Variants in PTPN12 observed in about 807,000 individuals in gnomAD.
The protein encoded by PTPN12 is protein tyrosine phosphatase non-receptor type 12.
In PTPN12, 29 loss-of-function variants were observed where a neutral mutation model predicts 97.6. That is an observed-to-expected ratio of 0.30 (90% CI 0.22 to 0.41). The LOEUF (loss-of-function observed/expected upper bound fraction) is 0.41, where lower values mean the gene tolerates loss of function less well. PTPN12 is among the 10% of genes least tolerant of loss of function. PTPN12 has a pLI of 1.00. For missense variants in PTPN12, 819 were observed against 926.0 expected, an observed-to-expected ratio of 0.88 and a Z score of 1.50; for synonymous variants, 327 against 300.4, an observed-to-expected ratio of 1.09 and a Z score of -0.91.
At chr7:77,568,590 C>T (rs971023906) in intron 1 of PTPN12, among the ~76,000 whole-genome samples, 2 of 152,162 alleles carry the variant, frequency 1.3e-5, no homozygotes, top group African/African-American at 4.8e-5. Flanking sequence ...CTATGGTGAG[C>T]CATGATCATG....
At chr7:77,594,418 G>T (rs1249644055) in intron 6 of PTPN12, among the ~76,000 whole-genome samples, 2 of 152,200 alleles carry the variant, frequency 1.3e-5, no homozygotes, top group Non-Finnish European at 2.9e-5. Flanking sequence ...AATCCAGAAA[G>T]AAATCTGTAA....
chr7:77,624,754 A>T (rs1213390039), intron 12 of PTPN12, among the ~76,000 whole-genome samples: 4 of 151,912 alleles, frequency 2.6e-5, no homozygotes, highest in African/African-American at 9.7e-5. Flanking sequence ...AGTCTCTTTT[A>T]AGGGGAAACC....
intron 11 of PTPN12, 131 bp from the exon 12 acceptor site, chr7:77,618,349 A>G (rs1788821877): frequency 1.7e-6 from 1 of 588,776 alleles, no homozygotes. Flanking sequence ...AGAATATAAG[A>G]CTTTTTTTTT....
At chr7:77,579,297 G>A (rs981163522) in intron 2 of PTPN12, among the ~76,000 whole-genome samples, 1 of 151,876 alleles carries the variant, frequency 6.6e-6, no homozygotes, top group Admixed American at 6.6e-5. Flanking sequence ...AATTTTTTTT[G>A]TATTTTTAGT....
At chr7:77,554,064 C>T (rs2151302656) in intron 1 of PTPN12, among the ~76,000 whole-genome samples, 1 of 152,252 alleles carries the variant, frequency 6.6e-6, no homozygotes, top group Middle Eastern at 3.4e-3. Flanking sequence ...CTTCTGGGCT[C>T]ACGTGATCCT....
At chr7:77,625,472 G>GCTCTCTCTCTCTCTCTCTCTCTCT (rs775712037) in intron 12 of PTPN12, among the ~76,000 whole-genome samples, 22 of 33,526 alleles carry the variant, frequency 6.6e-4, no homozygotes, top group Admixed American at 1.0e-3. Flanking sequence ...CAGGCTGCTC[G>GCTCTCTCTCTCTCTCTCTCTCTCT]CTCTCTCTCT....
At chr7:77,538,226 A>G in intron 1 of PTPN12, 4 of 421,334 alleles carry the variant, frequency 9.5e-6, no homozygotes, top group Non-Finnish European at 1.3e-5. Flanking sequence ...GATTGCCCAT[A>G]AGGAATCTCA....
intron 2 of PTPN12, among the ~76,000 whole-genome samples, chr7:77,578,928 A>C (rs1787421985): frequency 6.6e-6 from 1 of 152,184 alleles, no homozygotes; most frequent in South Asian, 2.1e-4. Context: ...ATACCATATT[A>C]ACCAAGTGAC....
At chr7:77,537,705 TC>T (rs1806723380) in intron 1 of PTPN12, 60 bp downstream of exon 1, 1 of 1,509,390 alleles carries the variant, frequency 6.6e-7, no homozygotes, top group African/African-American at 1.4e-5. Context: ...TCGCCGCCTC[TC>T]CCGGCCGGGC....
chr7:77,561,843 AT>A (rs1163614634), intron 1 of PTPN12, among the ~76,000 whole-genome samples: 2 of 151,176 alleles, frequency 1.3e-5, no homozygotes, highest in African/African-American at 4.9e-5. Flanking sequence ...CCAGGCTGGA[AT>A]GCAGTGGCAC....
intron 8 of PTPN12, among the ~76,000 whole-genome samples, chr7:77,601,830 T>A (rs1788196646): frequency 6.6e-6 from 1 of 152,206 alleles, no homozygotes; most frequent in South Asian, 2.1e-4. Context: ...CTGAAAAATT[T>A]AAAGCCGGAA....
At chr7:77,540,900 A>G (rs1806939462) in intron 1 of PTPN12, among the ~76,000 whole-genome samples, 1 of 152,220 alleles carries the variant, frequency 6.6e-6, no homozygotes, top group Non-Finnish European at 1.5e-5. Context: ...CTGTTCCATC[A>G]TAAAATAATG....
At chr7:77,621,133 G>T (rs561086571) in intron 12 of PTPN12, among the ~76,000 whole-genome samples, 1 of 149,782 alleles carries the variant, frequency 6.7e-6, no homozygotes, top group Non-Finnish European at 1.5e-5. Context: ...CTTTTTAAAC[G>T]TTTTTGTTAA....
rs988744164 is a variant in PTPN12 at position 77,583,720 on chromosome 7, T to G, written c.381+70T>G. The G allele has an allele frequency of 9.2e-6, 9 of 979,678 alleles. No individual in the cohort carries two copies. The African/African-American group carries it at 1.5e-4, about 16-fold the overall frequency. The allele number at this position is 979,678 out of a possible 1,614,324, so 60.7% of individuals were successfully genotyped here. On this transcript the variant is annotated intron_variant, in intron 4 of 17. Coordinates refer to ENST00000248594, the MANE Select transcript of PTPN12 (RefSeq NM_002835.4). Reference sequence around the variant, plus strand: ...TAATAACATAGGCTATTTTACTGAATAAGGAATGAGGGGATTTTTAAAAAA... The same window carrying G: ...TAATAACATAGGCTATTTTACTGAAGAAGGAATGAGGGGATTTTTAAAAAA...
At chr7:77,553,266 G>A (rs116691306) in intron 1 of PTPN12, among the ~76,000 whole-genome samples, 2,633 of 152,306 alleles carry the variant, frequency 0.017, 32 homozygotes, top group African/African-American at 0.02. Context: ...TTCTGTAGTT[G>A]TTGTCTTAGG....
At position 77,627,063 on chromosome 7, in the gene PTPN12, A is replaced by G. The variant is rs745728166; in HGVS notation, c.1384A>G (p.Ile462Val). The G allele has an allele frequency of 1.1e-5, 18 of 1,613,966 alleles. No individual in the cohort carries two copies. In the East Asian group the frequency reaches 3.8e-4, roughly 34 times the overall value. ...CACACTTTTGAATAGGGGACATGCA[A>G]TTAAAATTAAATCTGCTTCACCTTG... Reference protein sequence around the residue: ...GNTLLNRGHAIKIKSASPCIA... With the variant: ...GNTLLNRGHAVKIKSASPCIA... The change falls in exon 13 of 18, where the codon ATT becomes GTT. Residue 462 changes from isoleucine to valine, a missense_variant. By Grantham distance (29) the Ile-to-Val change is conservative. Transcript: ENST00000248594.
In PTPN12 at chr7:77,618,558, AC is replaced by A. The variant is rs762278889; in HGVS notation, c.1021del (p.Arg341AlafsTer26). On this transcript the variant is annotated frameshift_variant, in exon 12 of 18. Transcript: ENST00000248594. LOFTEE classifies it high-confidence loss of function. ...TTCTCCTCCTCCAAAACCACCAAGG[AC>A]CCGCAGGTATTGTATGTCTTCGAAC... ...QDSPPPKPPR[T>X]RSCLVEGDAK... The A allele has an allele frequency of 6.3e-7, 1 of 1,598,238 alleles. No individual in the cohort carries two copies. Among genetic ancestry groups the A allele is most frequent in the South Asian group, 1.1e-5 (1 of 90,364 alleles).
At chr7:77,592,283 T>C in intron 6 of PTPN12, 27 bp downstream of exon 6, 1 of 1,571,606 alleles carries the variant, frequency 6.4e-7, no homozygotes, top group Non-Finnish European at 8.7e-7. Flanking sequence ...GTAAACACTT[T>C]TTTCAGAAAA....
chr7:77,581,604 G>C, intron 3 of PTPN12, 101 bp downstream of exon 3: 31 of 541,884 alleles, frequency 5.7e-5, no homozygotes, highest in Admixed American at 4.0e-5. Context: ...GATACCAACA[G>C]CAAAAGAAAT....
Sources: allele counts gnomAD v4.1 joint callset (sites outside exome capture counted in the v4.1 genomes callset), GRCh38; gene constraint gnomAD v4.1.1; transcripts MANE v1.5; gene names NCBI Gene and HGNC (gene_info 2026-07-23, HGNC 2026-07-21).